Variants in TRPM7 observed in about 807,000 individuals in gnomAD.
TRPM7 encodes transient receptor potential cation channel subfamily M member 7.
A neutral mutation model predicts 229.7 loss-of-function variants in TRPM7; 134 were observed. The observed-to-expected ratio is 0.58, with a 90% CI of 0.51 to 0.67. The LOEUF is 0.67. Ranked by LOEUF, TRPM7 falls within the 30% of genes least tolerant of loss-of-function variation. TRPM7 has a pLI of 0.00. For missense variants in TRPM7, 1,901 were observed against 2,210.0 expected (o/e 0.86, Z 2.80); for synonymous variants, 699 against 715.2 (o/e 0.98, Z 0.36).
rs1227722383 is a variant in TRPM7, at chr15:50,591,059, T to TA, written c.4324+851_4324+852insT. Among the ~76,000 whole-genome samples the TA allele has an allele frequency of 2.7e-5, 4 of 150,480 alleles. No homozygotes were observed. In the East Asian group the frequency reaches 7.8e-4, roughly 29 times the overall value. Reference sequence around the variant, plus strand: ...TAATGTGTTACTGCCAAAATAAACATTTTTTTTTGTTCTTATCTTATTTAA... The same window carrying TA: ...TAATGTGTTACTGCCAAAATAAACATATTTTTTTTGTTCTTATCTTATTTAA... On this transcript the variant is annotated intron_variant, in intron 26 of 38. Transcript: ENST00000646667.
In TRPM7 at chr15:50,605,043, A is replaced by T; in HGVS notation, c.2811T>A (p.Ile937=). 6.2e-7 allele frequency: 1 copy of T among 1,613,922 alleles called. No homozygotes were observed. Among genetic ancestry groups the T allele is most frequent in the Non-Finnish European group, 8.5e-7 (1 of 1,179,900 alleles). ...TTGCTCCAAATCTTAGTCCAAATCC[A>T]ATGAAGAAAGAAATTATGGCAATTG... ...SDTIAIISFF[I]GFGLRFGAKW... The change falls in exon 21 of 39, where the codon ATT becomes ATA. Residue 937 remains isoleucine, a synonymous_variant. Transcript: ENST00000646667.
In TRPM7 at chr15:50,559,733, T is replaced by TA. The variant is rs1307070601; in HGVS notation, c.*1944dup. ...AGTAGGTTAATATATGTGAAATACT[T>TA]AGAGTAATGTCTGGTACACAGTAGG... On this transcript the variant is annotated 3_prime_UTR_variant, in exon 39 of 39. Transcript: ENST00000646667. 12 of 152,084 alleles carry TA rather than the reference T, an allele frequency of 7.9e-5. No individual in the cohort carries two copies. The South Asian group carries it at 1.0e-3, about 13-fold the overall frequency. 9.4% of individuals were successfully genotyped at this position (152,084 alleles called of 1,614,324 possible). A position where few individuals can be genotyped will look rare whatever the true frequency, so the allele number is the denominator to read the frequency against.
chr15:50,573,167 C>T (rs1446036879), intron 36 of TRPM7, among the ~76,000 whole-genome samples: 1 of 152,128 alleles, frequency 6.6e-6, no homozygotes, highest in Non-Finnish European at 1.5e-5. Flanking sequence ...GCATATCGTT[C>T]TACCCATCAA....
At position 50,612,559 on chromosome 15, in the gene TRPM7, G is replaced by C. The variant is rs1567007810; in HGVS notation, c.2041C>G (p.Gln681Glu). Reference sequence around the variant, plus strand: ...TAAAATACCACTTACTTGGAATACTGTTTTAGTTCTTCTGAAGTATCATCT... The same window carrying C: ...TAAAATACCACTTACTTGGAATACTCTTTTAGTTCTTCTGAAGTATCATCT... Reference protein sequence around the residue: ...LVDDTSEELKQYSNDFGQLAV... With the variant: ...LVDDTSEELKEYSNDFGQLAV... The change falls in exon 16 of 39, where the codon CAG becomes GAG. Residue 681 changes from glutamine to glutamate, a missense_variant. This residue lies in a region of TRPM7 where 794 missense variants were observed against 881.9 expected (regional missense o/e 0.90). Transcript: ENST00000646667. 4 of 1,609,660 alleles carry C rather than the reference G, an allele frequency of 2.5e-6. No individual in the cohort carries two copies. Among genetic ancestry groups the C allele is most frequent in the Non-Finnish European group, 2.5e-6 (3 of 1,177,402 alleles).
intron 29 of TRPM7, 125 bp downstream of exon 29, chr15:50,582,964 A>G (rs977346174): frequency 1.0e-5 from 6 of 574,038 alleles, no homozygotes; most frequent in Non-Finnish European, 1.4e-5. Context: ...TGCTAAAGTC[A>G]GTTTTCTTAA....
chr15:50,566,947 A>G (rs1191069823), intron 38 of TRPM7, among the ~76,000 whole-genome samples: 1 of 152,102 alleles, frequency 6.6e-6, no homozygotes, highest in East Asian at 1.9e-4. Context: ...CCAAACTGCC[A>G]TAAGGAAAAA....
At chr15:50,635,316 C>CAA (rs2060859427) in intron 7 of TRPM7, among the ~76,000 whole-genome samples, 1 of 30,504 alleles carries the variant, frequency 3.3e-5, no homozygotes, top group African/African-American at 1.4e-4. Flanking sequence ...GACTCCCTCA[C>CAA]ATAAAAAAAA....
chr15:50,620,717 G>A (rs2060370400), intron 12 of TRPM7, among the ~76,000 whole-genome samples: 1 of 152,064 alleles, frequency 6.6e-6, no homozygotes, highest in Non-Finnish European at 1.5e-5. Context: ...GATCACCTGA[G>A]GTCAGGAGTT....
intron 5 of TRPM7, 28 bp from the exon 6 acceptor site, chr15:50,639,576 TG>T (rs756693106): frequency 6.9e-6 from 11 of 1,598,044 alleles, no homozygotes; most frequent in African/African-American, 2.7e-5. Flanking sequence ...TTATTCATTT[TG>T]TTTTTTTTAT....
At chr15:50,581,866 A>T (rs1397485183) in intron 29 of TRPM7, among the ~76,000 whole-genome samples, 2 of 151,626 alleles carry the variant, frequency 1.3e-5, no homozygotes, top group Non-Finnish European at 2.9e-5. Context: ...CCATCTGACT[A>T]TGTAGTTTAT....
At chr15:50,635,183 G>A (rs1306034388) in intron 7 of TRPM7, among the ~76,000 whole-genome samples, 1 of 151,550 alleles carries the variant, frequency 6.6e-6, no homozygotes, top group Non-Finnish European at 1.5e-5. Context: ...CAGGTGTGGT[G>A]GCAAGCACCT....
At chr15:50,614,664 CAAAAAAAAAAA>C (rs59336476) in intron 13 of TRPM7, among the ~76,000 whole-genome samples, 42,903 of 92,666 alleles carry the variant, frequency 0.46, 8,217 homozygotes, top group East Asian at 0.62. Flanking sequence ...GACTTGGTCT[CAAAAAAAAAAA>C]AAAAAAAAAA....
intron 30 of TRPM7, among the ~76,000 whole-genome samples, chr15:50,579,123 A>G (rs555475196): frequency 1.4e-4 from 22 of 152,330 alleles, no homozygotes; most frequent in African/African-American, 5.3e-4. Flanking sequence ...ATGTTGAAAA[A>G]TATTTCTCCC....
chr15:50,623,408 CA>C (rs71910502), intron 12 of TRPM7, among the ~76,000 whole-genome samples: 45,347 of 118,890 alleles, frequency 0.38, 8,162 homozygotes, highest in Admixed American at 0.52. Flanking sequence ...GAGATTCTGT[CA>C]AAAAAAAAAA....
chr15:50,621,238 C>A (rs994442690), intron 12 of TRPM7, among the ~76,000 whole-genome samples: 1 of 151,530 alleles, frequency 6.6e-6, no homozygotes, highest in Non-Finnish European at 1.5e-5. Context: ...AATTCTCCCC[C>A]ACAGGTGAAC....
chr15:50,562,497 C>T lies in TRPM7; in HGVS notation c.5468-689G>A, dbSNP rs2053361473. 2.0e-5 allele frequency among the ~76,000 whole-genome samples: 3 copies of T among 152,012 alleles called. No individual in the cohort carries two copies. The South Asian group carries it at 6.2e-4, about 32-fold the overall frequency. On this transcript the variant is annotated intron_variant, in intron 38 of 38. Coordinates refer to ENST00000646667, the MANE Select transcript of TRPM7 (RefSeq NM_017672.6). ...TAAAAAGTGCCTTGAAGGCAGGGTG[C>T]AGTGGCTCATGCCTGTAATCTCAGC...
rs1268769006 is a variant in TRPM7 at position 50,609,914 on chromosome 15, A to G, written c.2328T>C (p.Tyr776=). The change falls in exon 18 of 39, where the codon TAT becomes TAC. Residue 776 remains tyrosine (Y), a synonymous_variant. Coordinates refer to ENST00000646667, the MANE Select transcript of TRPM7 (RefSeq NM_017672.6). Reference sequence around the variant, plus strand: ...TATGGGACATTTCAGCCTTAGTTTTATACTCTAACAGCAATATGGCAGGTG... The same window carrying G: ...TATGGGACATTTCAGCCTTAGTTTTGTACTCTAACAGCAATATGGCAGGTG... ...LVPPAILLLE[Y]KTKAEMSHIP... is the part of the protein sequence containing the mutation. 1.2e-6 allele frequency: 2 copies of G among 1,612,406 alleles called. No individual in the cohort carries two copies. Among genetic ancestry groups the G allele is most frequent in the Admixed American group, 3.3e-5 (2 of 59,948 alleles).
intron 21 of TRPM7, chr15:50,599,578 A>G (rs915180280): frequency 1.6e-5 from 4 of 246,748 alleles, no homozygotes; most frequent in Admixed American, 1.1e-4. Context: ...AAGTGTACCT[A>G]TCTCTGTGGT....
chr15:50,596,455 T>C (rs2059635642), intron 22 of TRPM7, 74 bp from the exon 23 acceptor site: 2 of 1,113,558 alleles, frequency 1.8e-6, no homozygotes, highest in African/African-American at 1.6e-5. Context: ...TATTCATGAG[T>C]GTTTCTGGTT....
Sources: gnomAD v4.1 joint callset for allele counts (sites outside exome capture counted in the v4.1 genomes callset) on GRCh38, gnomAD v4.1.1 for gene constraint, gnomAD v4.1.1 regional missense constraint, MANE v1.5 for transcripts, NCBI Gene and HGNC (gene_info 2026-07-23, HGNC 2026-07-21) for gene names.